Variants in MME observed in about 807,000 individuals in gnomAD.
MME encodes neprilysin.
In MME, 98 loss-of-function variants were observed where a neutral mutation model predicts 113.2. That is an observed-to-expected ratio of 0.87 (90% CI 0.74 to 1.02). MME has a LOEUF of 1.02. Among genes scored for constraint, MME ranks in the 50% least tolerant of loss-of-function variants. The probability of loss-of-function intolerance (pLI) is 0.00; values close to 1 mark genes in which losing one functional copy is unlikely to be tolerated. For synonymous variants in MME, 292 were observed against 300.6 expected (o/e 0.97, Z 0.30); for missense variants, 836 against 896.0 (o/e 0.93, Z 0.86).
chr3:155,100,635 A>G (rs1717126339), intron 3 of MME, among the ~76,000 whole-genome samples: 1 of 152,228 alleles, frequency 6.6e-6, no homozygotes, highest in South Asian at 2.1e-4. Flanking sequence ...AGGATCTGAC[A>G]ATATGTTGAG....
At chr3:155,067,137 T>C (rs1313023476) in intron 1 of MME, among the ~76,000 whole-genome samples, 2 of 151,330 alleles carry the variant, frequency 1.3e-5, no homozygotes, top group Non-Finnish European at 2.9e-5. Context: ...TTGCAAAAGA[T>C]TCTCCCAGAG....
At chr3:155,077,533 A>AAAAC (rs536188588), upstream of MME, among the ~76,000 whole-genome samples, 1 of 152,180 alleles carries the variant, frequency 6.6e-6, no homozygotes, top group African/African-American at 2.4e-5. Flanking sequence ...TCTTGATTTA[A>AAAAC]AAACAAACAA....
intron 3 of MME, among the ~76,000 whole-genome samples, chr3:155,093,579 C>T (rs1033685947): frequency 1.8e-4 from 28 of 152,112 alleles, no homozygotes; most frequent in Non-Finnish European, 2.2e-4. Flanking sequence ...AGAGCCAGGA[C>T]GGGCGTTTTG....
chr3:155,038,978 G>A (rs1434380129), intron 1 of MME, among the ~76,000 whole-genome samples: 2 of 152,058 alleles, frequency 1.3e-5, no homozygotes, highest in African/African-American at 2.4e-5. Context: ...AGCATTGTGT[G>A]GAGGAATAAA....
At chr3:155,130,673 G>A (rs542977220) in intron 8 of MME, among the ~76,000 whole-genome samples, 4 of 152,268 alleles carry the variant, frequency 2.6e-5, no homozygotes, top group Non-Finnish European at 4.4e-5. Flanking sequence ...AACACAAGCT[G>A]AGATTGGCTA....
In MME at chr3:155,152,831, A is replaced by T. The variant is rs372821894; in HGVS notation, c.1601+4178A>T. Reference sequence around the variant, plus strand: ...ACTCTAGCCTGAGCGACAGAGAGACACTCCGTCTCAAAGAAAAAAAAAAAA... The same window carrying T: ...ACTCTAGCCTGAGCGACAGAGAGACTCTCCGTCTCAAAGAAAAAAAAAAAA... On this transcript the variant is annotated intron_variant, in intron 16 of 22. Transcript: ENST00000360490. Among the ~76,000 whole-genome samples, 8 of 151,082 alleles carry T rather than the reference A, an allele frequency of 5.3e-5. No homozygotes were observed. In the East Asian group the frequency reaches 9.8e-4, roughly 18 times the overall value.
Position 155,073,080 on chromosome 3 carries a change from G to A in MME, c.-10-11078G>A, listed in dbSNP as rs186201469. Among the ~76,000 whole-genome samples, 224 of 152,196 alleles carry A rather than the reference G, an allele frequency of 1.5e-3. 1 individual carries two copies. Among genetic ancestry groups the A allele is most frequent in the Middle Eastern group, 3.4e-3 (1 of 294 alleles). ...TTATCACTACCGGTTTCCAACAAGG[G>A]CAAATTTTTCCGAGTTGTGGAATAG... On this transcript the variant is annotated intron_variant, in intron 1 of 22. Coordinates refer to the MME transcript ENST00000492661.
Position 155,119,720 on chromosome 3 carries a change from C to T in MME, c.720+909C>T, listed in dbSNP as rs1395083154. On this transcript the variant is annotated intron_variant, in intron 8 of 22. Transcript: ENST00000360490. ...ACTGAGAATGATTTCCAATTTCATC[C>T]ATGTCCCTACAAAGGACATGAACTC... 8.4e-4 allele frequency among the ~76,000 whole-genome samples: 125 copies of T among 149,312 alleles called. 1 individual carries two copies. The highest frequency in any genetic ancestry group is 3.4e-3 in the Middle Eastern group (1 of 292).
At chr3:155,073,850 T>TC (rs1421992947) in intron 1 of MME, among the ~76,000 whole-genome samples, 2 of 152,172 alleles carry the variant, frequency 1.3e-5, no homozygotes, top group Non-Finnish European at 2.9e-5. Flanking sequence ...CTCATGTTTT[T>TC]CTCTTGTAAA....
intron 10 of MME, among the ~76,000 whole-genome samples, chr3:155,140,949 G>C (rs1456795000): frequency 6.6e-6 from 1 of 152,070 alleles, no homozygotes; most frequent in African/African-American, 2.4e-5. Context: ...TTCAGAAATA[G>C]GACACAAATA....
chr3:155,026,558 T>C (rs1712794395), intron 1 of MME, among the ~76,000 whole-genome samples: 1 of 152,144 alleles, frequency 6.6e-6, no homozygotes, highest in Non-Finnish European at 1.5e-5. Flanking sequence ...ATCCCGTCTC[T>C]ACTAAAATTG....
At chr3:155,169,507 T>TA (rs1711672780) in intron 20 of MME, among the ~76,000 whole-genome samples, 1 of 152,114 alleles carries the variant, frequency 6.6e-6, no homozygotes, top group South Asian at 2.1e-4. Flanking sequence ...GAGCAAGGGT[T>TA]AAAAAATAGT....
intron 10 of MME, among the ~76,000 whole-genome samples, chr3:155,141,319 C>T (rs1721071897): frequency 6.6e-6 from 1 of 152,170 alleles, no homozygotes; most frequent in South Asian, 2.1e-4. Flanking sequence ...ACCCTATACT[C>T]AGTAAGTGAT....
Position 155,147,036 on chromosome 3 carries a change from T to A in MME, c.1417-108T>A, listed in dbSNP as rs1323572509. 8 of 742,220 alleles carry A rather than the reference T, an allele frequency of 1.1e-5. No homozygotes were observed. In the African/African-American group the frequency reaches 1.2e-4, roughly 11 times the overall value. 46.0% of individuals were successfully genotyped at this position (742,220 alleles called of 1,614,324 possible). On this transcript the variant is annotated intron_variant, in intron 14 of 22. Transcript: ENST00000360490. ...GTTTAAGTATGTCAGACACTCATTT[T>A]ATGAACAGTATGGATCAAGTTATTC...
At position 155,050,159 on chromosome 3, in the gene MME, C is replaced by T. The variant is rs148249922; in HGVS notation, c.-11+25835C>T. ...TCTATTCATGTTGCTGCAAAGGACA[C>T]GATTTCATTCTTTTTTATGGCTGCG... is the stretch of plus-strand genomic sequence containing the variant. On this transcript the variant is annotated intron_variant, in intron 1 of 22. Coordinates refer to the MME transcript ENST00000492661. Among the ~76,000 whole-genome samples, 628 of 152,148 alleles carry T rather than the reference C, an allele frequency of 4.1e-3. 3 individuals carry two copies. The highest frequency in any genetic ancestry group is 0.015 in the African/African-American group (608 of 41,522).
intron 1 of MME, among the ~76,000 whole-genome samples, chr3:155,063,032 CAAAA>C (rs772216166): frequency 1.6e-5 from 1 of 61,814 alleles, no homozygotes. Context: ...GACTCCATCT[CAAAA>C]AAAAAAAAAA....
chr3:155,103,571 A>G (rs948226038), intron 3 of MME, among the ~76,000 whole-genome samples: 4 of 152,090 alleles, frequency 2.6e-5, no homozygotes, highest in Non-Finnish European at 5.9e-5. Flanking sequence ...ATGTGTTTCT[A>G]TTTCCCACTA....
At chr3:155,115,227 T>G in intron 4 of MME, 72 bp downstream of exon 4, 4 of 1,536,072 alleles carry the variant, frequency 2.6e-6, no homozygotes, top group Non-Finnish European at 3.6e-6. Flanking sequence ...ATACAATTGT[T>G]AGCCATTACA....
At chr3:155,165,394 A>C (rs563909341) in intron 17 of MME, among the ~76,000 whole-genome samples, 129 of 152,270 alleles carry the variant, frequency 8.5e-4, no homozygotes, top group African/African-American at 2.9e-3. Context: ...AAATAGTGAA[A>C]TATATTTCAT....
Sources: allele counts gnomAD v4.1 joint callset (sites outside exome capture counted in the v4.1 genomes callset), GRCh38; gene constraint gnomAD v4.1.1; transcripts MANE v1.5; gene names NCBI Gene and HGNC (gene_info 2026-07-23, HGNC 2026-07-21).